Variants in SRRM4 observed in about 807,000 individuals in gnomAD.
The protein encoded by SRRM4 is serine/arginine repetitive matrix protein 4.
In SRRM4, 33 loss-of-function variants were observed where a neutral mutation model predicts 68.9. That is an observed-to-expected ratio of 0.48 (90% confidence interval 0.36 to 0.64). SRRM4 has a LOEUF of 0.64. Among genes scored for constraint, SRRM4 ranks in the 30% least tolerant of loss-of-function variants. The pLI is 0.00. For synonymous variants in SRRM4, 318 were observed against 318.8 expected (o/e 1.00, Z 0.03); for missense variants, 817 against 827.1 (o/e 0.99, Z 0.15).
In SRRM4 at chr12:119,122,077, A is replaced by G. The variant is rs1041113079; in HGVS notation, c.472A>G (p.Ser158Gly). Residue 158 changes from serine to glycine, a missense_variant, in exon 6 of 13, where the codon AGC becomes GGC. Coordinates refer to ENST00000267260, the MANE Select transcript of SRRM4 (RefSeq NM_194286.4). ...FSKKRRHSSS[S>G]PKSKRRDEKR... ...TGACCATTTCTTGTTTAGCTCCTCT[A>G]GCCCAAAAAGCAAAAGAAGAGATGA... 3.7e-6 allele frequency: 6 copies of G among 1,609,216 alleles called. No homozygotes were observed. Among genetic ancestry groups the G allele is most frequent in the Non-Finnish European group, 5.1e-6 (6 of 1,175,714 alleles).
At chr12:119,138,135 T>C (rs1041929288) in intron 8 of SRRM4, among the ~76,000 whole-genome samples, 1 of 152,176 alleles carries the variant, frequency 6.6e-6, no homozygotes, top group African/African-American at 2.4e-5. Flanking sequence ...TGCTCTCAGC[T>C]GATTCTTGCC....
intron 8 of SRRM4, among the ~76,000 whole-genome samples, chr12:119,145,151 A>C (rs1034494434): frequency 6.6e-6 from 1 of 151,846 alleles, no homozygotes. Context: ...TTTTCTCTGC[A>C]TGATACCTAA....
At chr12:119,028,959 G>A (rs1405297341) in intron 1 of SRRM4, among the ~76,000 whole-genome samples, 2 of 152,232 alleles carry the variant, frequency 1.3e-5, no homozygotes, top group Non-Finnish European at 2.9e-5. Flanking sequence ...GACACACAGT[G>A]AGAATTGCTC....
At chr12:119,073,983 G>T (rs1172980506) in intron 1 of SRRM4, among the ~76,000 whole-genome samples, 1 of 152,054 alleles carries the variant, frequency 6.6e-6, no homozygotes, top group East Asian at 1.9e-4. Flanking sequence ...ACCTGAAAGG[G>T]TTTCCATTGA....
chr12:119,135,590 C>A (rs1370750136), intron 8 of SRRM4, among the ~76,000 whole-genome samples: 1 of 152,048 alleles, frequency 6.6e-6, no homozygotes, highest in East Asian at 1.9e-4. Context: ...ATAACTAATG[C>A]CTGTTGAGCA....
chr12:119,029,234 G>A lies in SRRM4; in HGVS notation c.131+47221G>A, dbSNP rs987681343. ...TCCCACTCTAATTTCCTTAATCAAA[G>A]CAAAGGACAAGGACAGTGATTTCTC... On this transcript the variant is annotated intron_variant, in intron 1 of 12. Transcript: ENST00000267260. Among the ~76,000 whole-genome samples the A allele has an allele frequency of 7.2e-5, 11 of 152,114 alleles. No individual in the cohort carries two copies. In the South Asian group the frequency reaches 1.0e-3, roughly 14 times the overall value.
intron 10 of SRRM4, among the ~76,000 whole-genome samples, chr12:119,152,483 C>T (rs1185815230): frequency 1.3e-5 from 2 of 152,114 alleles, no homozygotes; most frequent in South Asian, 2.1e-4. Context: ...AGGAAAATTA[C>T]TCCCTCATTT....
chr12:119,037,446 T>C (rs1166929165), intron 1 of SRRM4, among the ~76,000 whole-genome samples: 1 of 152,128 alleles, frequency 6.6e-6, no homozygotes, highest in Non-Finnish European at 1.5e-5. Context: ...TGGATTTCTG[T>C]TGAATTTTTT....
intron 1 of SRRM4, among the ~76,000 whole-genome samples, chr12:119,041,072 C>A (rs575028128): frequency 1.6e-4 from 25 of 152,026 alleles, no homozygotes; most frequent in African/African-American, 5.8e-4. Flanking sequence ...ATTGACTACT[C>A]GTTATATCCA....
At chr12:119,101,674 T>C (rs76773845) in intron 1 of SRRM4, among the ~76,000 whole-genome samples, 4,096 of 152,246 alleles carry the variant, frequency 0.027, 135 homozygotes, top group East Asian at 0.095. Flanking sequence ...CTATAGCTAC[T>C]AAATAGTTAA....
In SRRM4 at chr12:118,981,783, C is replaced by A; in HGVS notation, c.-100C>A. ...TCCCACCCCACCCCTCTCTGGGTTT[C>A]ACCCGGACAGAGCCGGGAGCTGGGT... On this transcript the variant is annotated 5_prime_UTR_variant, in exon 1 of 13. Coordinates refer to ENST00000267260, the MANE Select transcript of SRRM4 (RefSeq NM_194286.4). 7.0e-6 allele frequency: 9 copies of A among 1,289,686 alleles called. No homozygotes were observed. The highest frequency in any genetic ancestry group is 2.8e-4 in the Middle Eastern group (1 of 3,518). The allele number at this position is 1,289,686 out of a possible 1,614,324, so 79.9% of individuals were successfully genotyped here.
intron 1 of SRRM4, among the ~76,000 whole-genome samples, chr12:119,074,438 A>T (rs2136027700): frequency 6.6e-6 from 1 of 152,324 alleles, no homozygotes; most frequent in Non-Finnish European, 1.5e-5. Context: ...TGCCCAACTT[A>T]ATAAATGTTT....
At chr12:119,106,611 G>A (rs191068018) in intron 2 of SRRM4, among the ~76,000 whole-genome samples, 5,726 of 152,192 alleles carry the variant, frequency 0.038, 180 homozygotes, top group East Asian at 0.096. Flanking sequence ...CTCTCTGTTT[G>A]TCTGTTATTG....
At chr12:119,063,866 C>CAG (rs560389742) in intron 1 of SRRM4, among the ~76,000 whole-genome samples, 5 of 152,008 alleles carry the variant, frequency 3.3e-5, no homozygotes, top group Non-Finnish European at 7.4e-5. Flanking sequence ...GAGACAGAAA[C>CAG]AGAGAGAGAT....
intron 1 of SRRM4, among the ~76,000 whole-genome samples, chr12:119,039,002 A>G (rs1289182642): frequency 6.6e-6 from 1 of 152,242 alleles, no homozygotes; most frequent in Admixed American, 6.5e-5. Context: ...TCCACATTTC[A>G]ACGCTCAAAA....
chr12:119,035,125 A>G (rs1391493324), intron 1 of SRRM4, among the ~76,000 whole-genome samples: 1 of 152,206 alleles, frequency 6.6e-6, no homozygotes, highest in Non-Finnish European at 1.5e-5. Context: ...AAATTAAAAA[A>G]TTAACCCTTG....
Position 119,059,117 on chromosome 12 carries a change from C to T in SRRM4, c.132-43119C>T, listed in dbSNP as rs116167420. Among the ~76,000 whole-genome samples the T allele has an allele frequency of 2.6e-3, 397 of 152,304 alleles. 3 individuals carry two copies. The highest frequency in any genetic ancestry group is 8.1e-3 in the African/African-American group (338 of 41,572). ...AGGGCCTCCGGAGCAGTCCTCAGCC[C>T]TGTAACCACTTCTGTTTGGGTCTTG... On this transcript the variant is annotated intron_variant, in intron 1 of 12. Coordinates refer to ENST00000267260, the MANE Select transcript of SRRM4 (RefSeq NM_194286.4).
chr12:119,129,432 AT>A (rs11319824), intron 7 of SRRM4, among the ~76,000 whole-genome samples: 104,767 of 151,828 alleles, frequency 0.69, 36,242 homozygotes, highest in South Asian at 0.74. Context: ...TTTGTCAGCC[AT>A]TTTTTTTTCA....
chr12:119,143,420 A>C (rs1954379248), intron 8 of SRRM4, among the ~76,000 whole-genome samples: 1 of 152,190 alleles, frequency 6.6e-6, no homozygotes, highest in African/African-American at 2.4e-5. Context: ...TAGATGTCTA[A>C]ATGTTTATAA....
Sources: gnomAD v4.1 joint callset for allele counts (sites outside exome capture counted in the v4.1 genomes callset) on GRCh38, gnomAD v4.1.1 for gene constraint, MANE v1.5 for transcripts, NCBI Gene and HGNC (gene_info 2026-07-23, HGNC 2026-07-21) for gene names.